The following CSMD1 variants were observed in gnomAD, a reference collection of about 807,000 sequenced individuals.
The protein encoded by CSMD1 is CUB and Sushi multiple domains 1.
A neutral mutation model predicts 417.5 loss-of-function variants in CSMD1; 213 were observed. The ratio of observed to expected loss-of-function variants is 0.51; its 90% CI spans 0.46 to 0.57. The LOEUF is 0.57. Ranked by LOEUF, CSMD1 falls within the 20% of genes least tolerant of loss-of-function variation. The pLI is 0.00. For missense variants in CSMD1, 6,923 were observed against 4,529.7 expected (o/e 1.53, Z -15.17); for synonymous variants, 2,862 against 1,736.8 (o/e 1.65, Z -16.11).
At chr8:4,873,271 TA>T in intron 1 of CSMD1, among the ~76,000 whole-genome samples, 1 of 152,222 alleles carries the variant, frequency 6.6e-6, no homozygotes, top group East Asian at 1.9e-4. Flanking sequence ...CAAAATCTCT[TA>T]AAAACTATCT....
At chr8:3,128,589 AGAGTT>A (rs1817633125) in intron 41 of CSMD1, 1 of 292,082 alleles carries the variant, frequency 3.4e-6, no homozygotes, top group Non-Finnish European at 6.7e-6. Context: ...CTTACATATC[AGAGTT>A]AAGTGTCATC....
At chr8:4,962,968 A>T (rs1165962467) in intron 1 of CSMD1, among the ~76,000 whole-genome samples, 2 of 152,124 alleles carry the variant, frequency 1.3e-5, no homozygotes, top group Non-Finnish European at 2.9e-5. Flanking sequence ...CGCTGGGAAA[A>T]GGATCGAAGA....
chr8:3,306,934 T>C (rs546176656), intron 25 of CSMD1, among the ~76,000 whole-genome samples: 15 of 152,200 alleles, frequency 9.9e-5, no homozygotes, highest in Admixed American at 7.2e-4. Flanking sequence ...ACACTTTTTG[T>C]TTAAATGTTC....
At chr8:4,841,884 C>A (rs1450497293) in intron 1 of CSMD1, among the ~76,000 whole-genome samples, 1 of 108,576 alleles carries the variant, frequency 9.2e-6, no homozygotes, top group East Asian at 3.3e-4. Flanking sequence ...GCACTCTAGC[C>A]GGGGCAACAA....
chr8:4,086,610 C>G (rs1043889701), intron 3 of CSMD1, among the ~76,000 whole-genome samples: 1 of 152,160 alleles, frequency 6.6e-6, no homozygotes, highest in African/African-American at 2.4e-5. Context: ...GAATAAAGTA[C>G]AATGCAGACG....
At chr8:4,482,173 G>A (rs1056730854) in intron 2 of CSMD1, among the ~76,000 whole-genome samples, 1 of 152,120 alleles carries the variant, frequency 6.6e-6, no homozygotes, top group Non-Finnish European at 1.5e-5. Flanking sequence ...GGGGTTTGCT[G>A]TATAGATTAT....
chr8:3,191,497 C>T (rs974335771), intron 33 of CSMD1, among the ~76,000 whole-genome samples: 1 of 152,062 alleles, frequency 6.6e-6, no homozygotes, highest in South Asian at 2.1e-4. Flanking sequence ...CTCCAGTTCT[C>T]TCTTGATGAG....
chr8:4,936,695 T>C (rs1018921226), intron 1 of CSMD1, among the ~76,000 whole-genome samples: 8 of 152,188 alleles, frequency 5.3e-5, no homozygotes, highest in Non-Finnish European at 1.0e-4. Flanking sequence ...AGTAAATATT[T>C]CACTGTAATT....
chr8:3,563,914 C>T lies in CSMD1; in HGVS notation c.1344+11031G>A, dbSNP rs543592782. ...AAAAAAACAAAAACAGACAAACACACCAACATATTTTTAAACCTATTTTTC... is the reference window on the plus strand; with the variant it reads ...AAAAAAACAAAAACAGACAAACACATCAACATATTTTTAAACCTATTTTTC... On this transcript the variant is annotated intron_variant, in intron 10 of 69. Transcript: ENST00000635120. 9.2e-5 allele frequency among the ~76,000 whole-genome samples: 14 copies of T among 152,118 alleles called. No homozygotes were observed. In the South Asian group the frequency reaches 2.3e-3, roughly 25 times the overall value.
At chr8:3,909,324 G>C (rs894747425) in intron 5 of CSMD1, among the ~76,000 whole-genome samples, 2 of 152,212 alleles carry the variant, frequency 1.3e-5, no homozygotes, top group Middle Eastern at 6.8e-3. Context: ...AGGGTGATTC[G>C]TGTGGGCATC....
At chr8:3,370,423 A>C (rs1809873576) in intron 18 of CSMD1, among the ~76,000 whole-genome samples, 1 of 152,118 alleles carries the variant, frequency 6.6e-6, no homozygotes, top group South Asian at 2.1e-4. Context: ...TGCAGTTGTG[A>C]GGCCTATGGA....
chr8:3,043,181 T>C (rs1585213703), intron 50 of CSMD1, among the ~76,000 whole-genome samples: 1 of 151,694 alleles, frequency 6.6e-6, no homozygotes, highest in African/African-American at 2.4e-5. Flanking sequence ...TATAGTACCA[T>C]AGGTCACTAT....
chr8:3,778,424 A>G (rs1799008255), intron 5 of CSMD1, among the ~76,000 whole-genome samples: 1 of 152,200 alleles, frequency 6.6e-6, no homozygotes, highest in Non-Finnish European at 1.5e-5. Flanking sequence ...CACTTAAATG[A>G]TCTCTTTCCA....
intron 3 of CSMD1, among the ~76,000 whole-genome samples, chr8:4,225,370 A>G (rs748659803): frequency 5.9e-5 from 9 of 152,192 alleles, no homozygotes; most frequent in Non-Finnish European, 7.3e-5. Flanking sequence ...AACAATATAC[A>G]TCGTGTTTCT....
rs1300700603 is a variant in CSMD1 at position 3,110,293 on chromosome 8, T to G, written c.6473A>C (p.Tyr2158Ser). 6.2e-7 allele frequency: 1 copy of G among 1,612,802 alleles called. No individual in the cohort carries two copies. The highest frequency in any genetic ancestry group is 8.5e-7 in the Non-Finnish European group (1 of 1,179,608). The change falls in exon 43 of 70, where the codon TAC (tyrosine) becomes TCC (serine). Residue 2158 changes from tyrosine to serine, a missense_variant. Physicochemically the swap from Tyr to Ser is moderately radical, Grantham distance 144 (BLOSUM62 -2). Transcript: ENST00000635120. ...ATACTCATCAGGAAAGCCAGGGGAG[T>G]AGATGGTGCCGTTCTGAGAAGTTAC... Reference protein sequence around the residue: ...YNVTSQNGTIYSPGFPDEYPI... With the variant: ...YNVTSQNGTISSPGFPDEYPI...
chr8:4,057,758 C>T (rs1224953495), intron 3 of CSMD1, among the ~76,000 whole-genome samples: 26 of 152,022 alleles, frequency 1.7e-4, no homozygotes, highest in African/African-American at 3.4e-4. Context: ...ATATGGCTAG[C>T]CAGTTTTCCC....
At position 3,731,930 on chromosome 8, in the gene CSMD1, G is replaced by C. The variant is rs552701268; in HGVS notation, c.931+22000C>G. Among the ~76,000 whole-genome samples the C allele has an allele frequency of 3.9e-5, 6 of 152,270 alleles. No homozygotes were observed. The South Asian group carries it at 6.2e-4, about 16-fold the overall frequency. On this transcript the variant is annotated intron_variant, in intron 6 of 69. Coordinates refer to ENST00000635120, the MANE Select transcript of CSMD1 (RefSeq NM_033225.6). ...CTTAGTGGTTTTGGACCTGAGGTTT[G>C]AAACCATACAATGGACTCCAAACCC...
At chr8:3,539,388 A>AT (rs1303181447) in intron 10 of CSMD1, among the ~76,000 whole-genome samples, 2 of 152,102 alleles carry the variant, frequency 1.3e-5, no homozygotes, top group Non-Finnish European at 2.9e-5. Context: ...GTATATACAT[A>AT]TTATTTGTTT....
chr8:4,901,593 A>C (rs1006704554), intron 1 of CSMD1, among the ~76,000 whole-genome samples: 1 of 152,122 alleles, frequency 6.6e-6, no homozygotes, highest in African/African-American at 2.4e-5. Context: ...ACGTTTCCGG[A>C]CACTTCTATT....
Sources: allele counts gnomAD v4.1 joint callset (sites outside exome capture counted in the v4.1 genomes callset), GRCh38; gene constraint gnomAD v4.1.1; transcripts MANE v1.5; gene names NCBI Gene and HGNC (gene_info 2026-07-23, HGNC 2026-07-21).